Variants in CD109 observed in about 807,000 individuals in gnomAD.
The protein encoded by CD109 is CD109 molecule.
In CD109, 149 loss-of-function variants were observed where a neutral mutation model predicts 165.8. The observed-to-expected ratio is 0.90, with a 90% CI of 0.79 to 1.03. CD109 has a LOEUF of 1.03. Ranked by LOEUF, CD109 falls within the 50% of genes least tolerant of loss-of-function variation. The pLI is 0.00. For missense variants in CD109, 1,712 were observed against 1,677.8 expected, an observed-to-expected ratio of 1.02 and a Z score of -0.36; for synonymous variants, 585 against 592.1, an observed-to-expected ratio of 0.99 and a Z score of 0.18.
chr6:73,719,708 G>A (rs1219931163), intron 2 of CD109, among the ~76,000 whole-genome samples: 2 of 152,146 alleles, frequency 1.3e-5, no homozygotes, highest in Admixed American at 6.6e-5. Flanking sequence ...CAACACCCCC[G>A]TATTGCAATG....
chr6:73,682,589 A>G, the CD109 span, among the ~76,000 whole-genome samples: 2 of 152,184 alleles, frequency 1.3e-5, no homozygotes, highest in African/African-American at 4.8e-5. Flanking sequence ...TGGGGTCTGG[A>G]GGACGTGGCC....
intron 2 of CD109, among the ~76,000 whole-genome samples, chr6:73,718,059 C>T (rs1771811275): frequency 6.6e-6 from 1 of 151,804 alleles, no homozygotes; most frequent in Admixed American, 6.6e-5. Flanking sequence ...CCTGTAATCC[C>T]AGCACTTTGG....
At chr6:73,764,319 A>G (rs1162926827) in intron 10 of CD109, among the ~76,000 whole-genome samples, 2 of 152,212 alleles carry the variant, frequency 1.3e-5, no homozygotes, top group African/African-American at 4.8e-5. Context: ...TTTTTCTGCA[A>G]AGGGCTAGAG....
At chr6:73,818,639 A>C (rs1582210750) in intron 31 of CD109, 104 bp downstream of exon 31, 1 of 1,068,150 alleles carries the variant, frequency 9.4e-7, no homozygotes, top group East Asian at 2.6e-5. Context: ...TGTTATTTCA[A>C]CTTTTTGTGT....
chr6:73,805,632 C>T (rs368502785), intron 24 of CD109, among the ~76,000 whole-genome samples: 2 of 152,322 alleles, frequency 1.3e-5, no homozygotes, highest in East Asian at 3.9e-4. Context: ...ACATTTCAGA[C>T]TATCACATGG....
At position 73,775,313 on chromosome 6, in the gene CD109, C is replaced by A. The variant is rs79279364; in HGVS notation, c.1827+3732C>A. On this transcript the variant is annotated intron_variant, in intron 15 of 32. Coordinates refer to ENST00000287097, the MANE Select transcript of CD109 (RefSeq NM_133493.5). Reference sequence around the variant, plus strand: ...ACATATTTATCATTTTGCATAGCTACATTTTTGTGACAAAAGCAGTTAAAA... The same window carrying A: ...ACATATTTATCATTTTGCATAGCTAAATTTTTGTGACAAAAGCAGTTAAAA... Among the ~76,000 whole-genome samples the A allele has an allele frequency of 1.3e-3, 203 of 152,158 alleles. 6 individuals carry two copies. Among genetic ancestry groups the A allele is most frequent in the African/African-American group, 4.7e-3 (195 of 41,522 alleles).
intron 32 of CD109, among the ~76,000 whole-genome samples, chr6:73,823,198 G>C (rs1488003695): frequency 1.3e-5 from 2 of 152,218 alleles, no homozygotes; most frequent in East Asian, 3.9e-4. Flanking sequence ...GCAGTGTGCA[G>C]CTGCAGTCTA....
intron 2 of CD109, among the ~76,000 whole-genome samples, chr6:73,712,358 C>T (rs2150157258): frequency 6.6e-6 from 1 of 152,176 alleles, no homozygotes; most frequent in East Asian, 1.9e-4. Context: ...AAATTTTCAG[C>T]TAAAAAAGTG....
chr6:73,787,092 A>G lies in CD109; in HGVS notation c.2338-142A>G, dbSNP rs1582158150. 6 of 600,170 alleles carry G rather than the reference A, an allele frequency of 1.0e-5. No homozygotes were observed. The East Asian group carries it at 1.7e-4, about 17-fold the overall frequency. The allele number at this position is 600,170 out of a possible 1,614,324, so 37.2% of individuals were successfully genotyped here. On this transcript the variant is annotated intron_variant, in intron 20 of 32. Coordinates refer to ENST00000287097, the MANE Select transcript of CD109 (RefSeq NM_133493.5). ...GAAGTTTTTCCTGATACTCTTTGAT[A>G]CTCTCCTTGGTCGAATCTTTGTCTC... is the stretch of plus-strand genomic sequence containing the variant.
intron 2 of CD109, among the ~76,000 whole-genome samples, chr6:73,719,700 A>G (rs992169603): frequency 4.6e-5 from 7 of 152,170 alleles, no homozygotes; most frequent in African/African-American, 1.7e-4. Context: ...CCATCCCCCA[A>G]CACCCCCGTA....
intron 22 of CD109, 39 bp downstream of exon 22, chr6:73,788,651 T>A: frequency 6.6e-7 from 1 of 1,505,262 alleles, no homozygotes; most frequent in Non-Finnish European, 9.1e-7. Context: ...GGTTTAATTG[T>A]ATATGATCAT....
chr6:73,770,782 G>A (rs1774006693), intron 14 of CD109, among the ~76,000 whole-genome samples: 1 of 152,100 alleles, frequency 6.6e-6, no homozygotes, highest in South Asian at 2.1e-4. Context: ...AGTAGGCAGG[G>A]GCCTCATGAC....
At chr6:73,760,050 G>A (rs899276835) in intron 7 of CD109, among the ~76,000 whole-genome samples, 9 of 152,116 alleles carry the variant, frequency 5.9e-5, no homozygotes, top group Admixed American at 2.0e-4. Flanking sequence ...AAGCAAAATT[G>A]ACTTCCATGT....
At chr6:73,787,076 C>T (rs560202741) in intron 20 of CD109, among the ~76,000 whole-genome samples, 158 bp from the exon 21 acceptor site, 8 of 152,284 alleles carry the variant, frequency 5.3e-5, no homozygotes, top group Non-Finnish European at 1.0e-4. Context: ...TGAAGTTTTT[C>T]CTGATACTCT....
At chr6:73,800,459 A>T (rs1775322944) in intron 23 of CD109, among the ~76,000 whole-genome samples, 1 of 152,222 alleles carries the variant, frequency 6.6e-6, no homozygotes, top group Non-Finnish European at 1.5e-5. Flanking sequence ...TCTTCAGGGT[A>T]GATTCCTAGA....
chr6:73,707,986 ATATATATATATATATATATATATT>A (rs1157417839), intron 2 of CD109, among the ~76,000 whole-genome samples: 1 of 68,640 alleles, frequency 1.5e-5, no homozygotes, highest in Non-Finnish European at 3.0e-5. Context: ...ATATATATAT[ATATATATATATATATATATATATT>A]TATTATACTT....
Position 73,807,065 on chromosome 6 carries a change from A to G in CD109, c.3182A>G (p.Lys1061Arg), listed in dbSNP as rs749536122. ...GTAACTTCTCTCCTGGGATATAGAA[A>G]GTATCAGGTATTTCGTATTTAATTT... ...YIVTSLLGYR[K>R]YQPNIDVQES... The change falls in exon 25 of 33, where the codon AAG (lysine) becomes AGG (arginine). Residue 1061 changes from lysine (K) to arginine (R), a missense_variant. Transcript: ENST00000287097. 1 of 1,607,792 alleles carries G rather than the reference A, an allele frequency of 6.2e-7. No individual in the cohort carries two copies. Among genetic ancestry groups the G allele is most frequent in the African/African-American group, 1.3e-5 (1 of 74,808 alleles).
In CD109 at chr6:73,813,035, A is replaced by G. The variant is rs533421548; in HGVS notation, c.3768+765A>G. On this transcript the variant is annotated intron_variant, in intron 29 of 32. Transcript: ENST00000287097. ...AACCATTCTAGTAGAGAGAACAGGT[A>G]TACTTGCTGAGTAGGGCGGGTATAC... Among the ~76,000 whole-genome samples, 55 of 152,274 alleles carry G rather than the reference A, an allele frequency of 3.6e-4. 1 individual carries two copies. In the South Asian group the frequency reaches 6.4e-3, roughly 18 times the overall value.
In CD109 at chr6:73,796,938, A is replaced by T. The variant is rs573472677; in HGVS notation, c.2878+4136A>T. Among the ~76,000 whole-genome samples, 6 of 152,372 alleles carry T rather than the reference A, an allele frequency of 3.9e-5. No individual in the cohort carries two copies. The South Asian group carries it at 8.3e-4, about 21-fold the overall frequency. ...AAATTATATTTCAAAGTAGTGGACG[A>T]AAGCTTCTTGGTATAATGCTTTTCA... On this transcript the variant is annotated intron_variant, in intron 23 of 32. Coordinates refer to ENST00000287097, the MANE Select transcript of CD109 (RefSeq NM_133493.5).
Sources: allele counts gnomAD v4.1 joint callset (sites outside exome capture counted in the v4.1 genomes callset), GRCh38; gene constraint gnomAD v4.1.1; transcripts MANE v1.5; gene names NCBI Gene and HGNC (gene_info 2026-07-23, HGNC 2026-07-21).